The following SLC35F4 variants were observed in gnomAD, a reference collection of about 807,000 sequenced individuals.
The protein encoded by SLC35F4 is chromosome 14 open reading frame 36.
A neutral mutation model predicts 44.2 loss-of-function variants in SLC35F4; 24 were observed. The observed-to-expected ratio is 0.54, with a 90% CI of 0.39 to 0.76. The LOEUF is 0.76. SLC35F4 is among the 30% of genes least tolerant of loss of function. The pLI is 0.00. For missense variants in SLC35F4, 562 were observed against 586.1 expected (o/e 0.96, Z 0.42); for synonymous variants, 238 against 223.6 (o/e 1.06, Z -0.57).
In SLC35F4 at chr14:57,943,017, C is replaced by T. The variant is rs1399936100; in HGVS notation, n.282+38896G>A. On this transcript the variant is annotated intron_variant and non_coding_transcript_variant, in intron 1 of 1. Coordinates refer to the SLC35F4 transcript ENST00000556568. ...TTTTTTTAAAAGCCAGAACTCCAGC[C>T]TCTCATTCTTACACCAATGCTTCCA... is the stretch of plus-strand genomic sequence containing the variant. Among the ~76,000 whole-genome samples, 3 of 152,176 alleles carry T rather than the reference C, an allele frequency of 2.0e-5. 1 individual carries two copies. The highest frequency in any genetic ancestry group is 4.4e-5 in the Non-Finnish European group (3 of 68,032).
chr14:57,831,822 G>A (rs1884399824), intron 1 of SLC35F4, among the ~76,000 whole-genome samples: 1 of 152,094 alleles, frequency 6.6e-6, no homozygotes, highest in Admixed American at 6.5e-5. Context: ...ATTCTAATAA[G>A]CAATGAAGTG....
intron 1 of SLC35F4, among the ~76,000 whole-genome samples, chr14:57,811,460 C>A (rs1186647004): frequency 1.3e-5 from 2 of 152,132 alleles, no homozygotes; most frequent in South Asian, 2.1e-4. Context: ...AACAAATAGC[C>A]CTTCCCCTTT....
chr14:57,810,044 A>C (rs1339701565), intron 1 of SLC35F4, among the ~76,000 whole-genome samples: 3 of 152,200 alleles, frequency 2.0e-5, no homozygotes, highest in Non-Finnish European at 4.4e-5. Context: ...ATTTTAAATC[A>C]CTATTGTAGT....
rs2068574124 is a variant in SLC35F4 at position 57,572,651 on chromosome 14, T to C, written c.808-632A>G. 1.3e-5 allele frequency among the ~76,000 whole-genome samples: 2 copies of C among 152,366 alleles called. 1 individual carries two copies. The highest frequency in any genetic ancestry group is 3.9e-4 in the East Asian group (2 of 5,194). The stretch of plus-strand genomic sequence containing the variant: ...TTCCTTTTGTTCACATGAAAATTAA[T>C]TCAGTTTTTCAGAAAAACCACTGAA... On this transcript the variant is annotated intron_variant, in intron 4 of 7. Transcript: ENST00000556826.
At chr14:57,784,014 T>G (rs768640308) in intron 1 of SLC35F4, among the ~76,000 whole-genome samples, 5 of 152,208 alleles carry the variant, frequency 3.3e-5, no homozygotes, top group African/African-American at 1.2e-4. Flanking sequence ...AAAAACTGTC[T>G]GATGTTTTGT....
intron 1 of SLC35F4, among the ~76,000 whole-genome samples, chr14:57,736,162 T>C (rs2076459053): frequency 6.6e-6 from 1 of 152,188 alleles, no homozygotes; most frequent in African/African-American, 2.4e-5. Context: ...AGAACTAAGC[T>C]TGTCCTGTCT....
At chr14:57,858,860 G>A (rs539407625) in intron 1 of SLC35F4, among the ~76,000 whole-genome samples, 3 of 150,178 alleles carry the variant, frequency 2.0e-5, no homozygotes, top group South Asian at 2.1e-4. Context: ...TTAGGAGGCT[G>A]AGGTGGGAGG....
intron 1 of SLC35F4, among the ~76,000 whole-genome samples, chr14:57,721,809 C>T (rs1479085360): frequency 2.0e-5 from 3 of 152,120 alleles, no homozygotes; most frequent in Non-Finnish European, 4.4e-5. Context: ...GCAACATTGC[C>T]TCCCCAACCC....
chr14:57,658,752 C>T (rs918304995), intron 1 of SLC35F4, among the ~76,000 whole-genome samples: 2 of 152,106 alleles, frequency 1.3e-5, no homozygotes, highest in Admixed American at 6.6e-5. Flanking sequence ...ATATGGATGT[C>T]ACCTGTCTAA....
At chr14:57,653,842 A>T (rs1430941732) in intron 1 of SLC35F4, among the ~76,000 whole-genome samples, 1 of 152,174 alleles carries the variant, frequency 6.6e-6, no homozygotes, top group Non-Finnish European at 1.5e-5. Flanking sequence ...AAACAACAGA[A>T]ATGTATTGCC....
At chr14:57,642,044 GTC>G (rs1298860128) in intron 1 of SLC35F4, among the ~76,000 whole-genome samples, 4 of 151,974 alleles carry the variant, frequency 2.6e-5, no homozygotes, top group Non-Finnish European at 5.9e-5. Context: ...TTTCTAGAAA[GTC>G]TGCAAATCTG....
intron 1 of SLC35F4, among the ~76,000 whole-genome samples, chr14:57,739,073 G>A (rs189642296): frequency 2.0e-5 from 3 of 151,978 alleles, no homozygotes; most frequent in African/African-American, 7.2e-5. Context: ...CTCTTTATCC[G>A]AAGACCCCCA....
chr14:57,587,696 A>G (rs1453584874), intron 3 of SLC35F4, among the ~76,000 whole-genome samples: 1 of 152,096 alleles, frequency 6.6e-6, no homozygotes, highest in Non-Finnish European at 1.5e-5. Context: ...GGGTGTAGCA[A>G]ACCACCATGG....
chr14:57,832,535 T>C (rs181107703), intron 1 of SLC35F4, among the ~76,000 whole-genome samples: 43 of 152,350 alleles, frequency 2.8e-4, no homozygotes, highest in African/African-American at 1.0e-3. Context: ...TGTGAGATGA[T>C]AGACATGTTA....
chr14:57,669,835 C>T (rs1214018197), intron 1 of SLC35F4, among the ~76,000 whole-genome samples: 1 of 152,098 alleles, frequency 6.6e-6, no homozygotes, highest in Non-Finnish European at 1.5e-5. Context: ...CAGGATGATG[C>T]TGGCCTCATA....
At chr14:57,893,341 T>C (rs1010401650) in intron 1 of SLC35F4, among the ~76,000 whole-genome samples, 22 of 152,232 alleles carry the variant, frequency 1.4e-4, no homozygotes, top group African/African-American at 5.1e-4. Flanking sequence ...AGGCATTACA[T>C]ACATTGTCTC....
intron 1 of SLC35F4, among the ~76,000 whole-genome samples, chr14:57,691,215 C>T (rs2075223228): frequency 6.6e-6 from 1 of 152,144 alleles, no homozygotes; most frequent in Non-Finnish European, 1.5e-5. Flanking sequence ...AAACCTCATG[C>T]TCACTTTCTG....
At chr14:57,800,010 G>T (rs924054602) in intron 1 of SLC35F4, among the ~76,000 whole-genome samples, 1 of 152,192 alleles carries the variant, frequency 6.6e-6, no homozygotes, top group African/African-American at 2.4e-5. Context: ...GCCAGCAGTG[G>T]CCAGACTGCT....
intron 2 of SLC35F4, among the ~76,000 whole-genome samples, chr14:57,592,605 A>G (rs1404300480): frequency 6.6e-6 from 1 of 152,200 alleles, no homozygotes; most frequent in Non-Finnish European, 1.5e-5. Context: ...ATTAAAGCCA[A>G]TTAAAACTTT....
Sources: allele counts gnomAD v4.1 joint callset (sites outside exome capture counted in the v4.1 genomes callset), GRCh38; gene constraint gnomAD v4.1.1; transcripts MANE v1.5; gene names NCBI Gene and HGNC (gene_info 2026-07-23, HGNC 2026-07-21).